Variants in SGIP1 observed in about 807,000 individuals in gnomAD.
The protein encoded by SGIP1 is SH3GL interacting endocytic adaptor 1.
SGIP1 carries 38 observed loss-of-function variants against 107.5 expected under a neutral mutation model. The ratio of observed to expected loss-of-function variants is 0.35; its 90% CI spans 0.27 to 0.46. The LOEUF (loss-of-function observed/expected upper bound fraction) is 0.46. Ranked by LOEUF, SGIP1 falls within the 20% of genes least tolerant of loss-of-function variation. The pLI, the probability that SGIP1 is intolerant of heterozygous loss-of-function variation, is 1.00. For synonymous variants in SGIP1, 365 were observed against 366.1 expected (o/e 1.00, Z 0.03); for missense variants, 929 against 1,019.5 (o/e 0.91, Z 1.21).
intron 7 of SGIP1, among the ~76,000 whole-genome samples, chr1:66,646,779 A>G (rs1018723467): frequency 1.3e-5 from 2 of 152,220 alleles, no homozygotes; most frequent in African/African-American, 4.8e-5. Context: ...ATCCTATTGT[A>G]CAGTTAGACA....
chr1:66,562,911 G>A (rs751844452), intron 1 of SGIP1, among the ~76,000 whole-genome samples: 74 of 151,994 alleles, frequency 4.9e-4, no homozygotes, highest in Non-Finnish European at 2.8e-4. Flanking sequence ...TTTAAGAATA[G>A]AAATGTTTAA....
At chr1:66,700,887 C>T (rs971161002) in intron 18 of SGIP1, among the ~76,000 whole-genome samples, 1 of 152,010 alleles carries the variant, frequency 6.6e-6, no homozygotes, top group Non-Finnish European at 1.5e-5. Context: ...TGGAGATATT[C>T]AAGTTCTTTT....
chr1:66,623,687 A>G (rs1230406220), intron 1 of SGIP1, among the ~76,000 whole-genome samples: 2 of 152,236 alleles, frequency 1.3e-5, no homozygotes, highest in Non-Finnish European at 2.9e-5. Flanking sequence ...GTGAAAGTAA[A>G]GCTACAGATA....
At chr1:66,728,350 C>T (rs997010467) in intron 19 of SGIP1, among the ~76,000 whole-genome samples, 8 of 152,168 alleles carry the variant, frequency 5.3e-5, no homozygotes, top group African/African-American at 1.9e-4. Context: ...GTAGAGGATT[C>T]TATTCATGAG....
chr1:66,570,746 A>G (rs987337166), intron 1 of SGIP1, among the ~76,000 whole-genome samples: 2 of 151,878 alleles, frequency 1.3e-5, no homozygotes, highest in African/African-American at 4.8e-5. Flanking sequence ...TGTCCTCATC[A>G]CTTGCTCACC....
At chr1:66,569,910 A>G (rs2060150463) in intron 1 of SGIP1, among the ~76,000 whole-genome samples, 1 of 151,778 alleles carries the variant, frequency 6.6e-6, no homozygotes, top group African/African-American at 2.4e-5. Context: ...ATAGATATAG[A>G]CTTATTCAAA....
intron 1 of SGIP1, among the ~76,000 whole-genome samples, chr1:66,595,998 ATG>A (rs1162668691): frequency 2.0e-5 from 3 of 152,232 alleles, no homozygotes; most frequent in Non-Finnish European, 2.9e-5. Flanking sequence ...TAGCTTGACT[ATG>A]GTAGTGAGCA....
At chr1:66,603,840 GT>G (rs2066324329) in intron 1 of SGIP1, among the ~76,000 whole-genome samples, 1 of 152,050 alleles carries the variant, frequency 6.6e-6, no homozygotes, top group Non-Finnish European at 1.5e-5. Context: ...GGAGTATTTT[GT>G]TTTCATTTTA....
chr1:66,706,949 T>C (rs1009897286), intron 18 of SGIP1, among the ~76,000 whole-genome samples: 3 of 152,142 alleles, frequency 2.0e-5, no homozygotes, highest in South Asian at 2.1e-4. Context: ...TTATTACTTT[T>C]AAAAATTCAA....
At chr1:66,564,789 T>A (rs12124223) in intron 1 of SGIP1, among the ~76,000 whole-genome samples, 23,312 of 151,900 alleles carry the variant, frequency 0.15, 1,864 homozygotes, top group Admixed American at 0.19. Flanking sequence ...TTAGGGTAGT[T>A]ACTTCAGTCC....
intron 1 of SGIP1, among the ~76,000 whole-genome samples, chr1:66,580,745 TACTC>T (rs2061700578): frequency 1.3e-5 from 2 of 152,186 alleles, no homozygotes. Context: ...ACATAGTAGG[TACTC>T]AATAAATGTT....
chr1:66,626,545 A>T (rs756124245), intron 2 of SGIP1, among the ~76,000 whole-genome samples: 1 of 152,248 alleles, frequency 6.6e-6, no homozygotes, highest in African/African-American at 2.4e-5. Context: ...ATGTGCAATG[A>T]CATAACAGTT....
chr1:66,675,011 A>G (rs2084852170), intron 12 of SGIP1, among the ~76,000 whole-genome samples: 1 of 152,218 alleles, frequency 6.6e-6, no homozygotes, highest in Non-Finnish European at 1.5e-5. Flanking sequence ...TCCATAACTT[A>G]GAATCCCTAT....
chr1:66,574,331 T>G (rs1421407854), intron 1 of SGIP1, among the ~76,000 whole-genome samples: 1 of 152,140 alleles, frequency 6.6e-6, no homozygotes, highest in East Asian at 1.9e-4. Context: ...CTTAATTGTG[T>G]ATACAGGAAG....
At chr1:66,612,645 A>G (rs2068279260) in intron 1 of SGIP1, among the ~76,000 whole-genome samples, 1 of 152,238 alleles carries the variant, frequency 6.6e-6, no homozygotes, top group Non-Finnish European at 1.5e-5. Context: ...CTCATTTAAT[A>G]CAATAATCAT....
intron 10 of SGIP1, 120 bp downstream of exon 10, chr1:66,671,139 A>G: frequency 2.1e-6 from 1 of 470,172 alleles, no homozygotes; most frequent in Non-Finnish European, 3.7e-6. Context: ...TAAGACTTAC[A>G]ATTTTTTTAC....
intron 18 of SGIP1, among the ~76,000 whole-genome samples, chr1:66,712,404 G>A (rs1160145049): frequency 6.6e-6 from 1 of 152,140 alleles, no homozygotes; most frequent in Non-Finnish European, 1.5e-5. Flanking sequence ...GCACAGGAAG[G>A]GGAGACTGGC....
At position 66,744,414 on chromosome 1, in the gene SGIP1, CG is replaced by C. The variant is rs1468690963; in HGVS notation, c.*1322del. On this transcript the variant is annotated 3_prime_UTR_variant, in exon 25 of 25. Transcript: ENST00000371037. ...GAACATTTAGAAAGACAAACTTCTT[CG>C]GGAGTCTCAGTTGTAAAACCTTCCC... 1 of 152,076 alleles carries C rather than the reference CG, an allele frequency of 6.6e-6. No individual in the cohort carries two copies. Among genetic ancestry groups the C allele is most frequent in the East Asian group, 1.9e-4 (1 of 5,202 alleles). The allele number at this position is 152,076 out of a possible 1,614,324, so 9.4% of individuals were successfully genotyped here.
chr1:66,679,267 C>T (rs1292817037), intron 13 of SGIP1, among the ~76,000 whole-genome samples: 1 of 152,196 alleles, frequency 6.6e-6, no homozygotes, highest in Non-Finnish European at 1.5e-5. Context: ...CGTTATCAAA[C>T]CCTCGACTGT....
Sources: gnomAD v4.1 joint callset for allele counts (sites outside exome capture counted in the v4.1 genomes callset) on GRCh38, gnomAD v4.1.1 for gene constraint, MANE v1.5 for transcripts, NCBI Gene and HGNC (gene_info 2026-07-23, HGNC 2026-07-21) for gene names.